Variants in LRP1B observed in about 807,000 individuals in gnomAD.
LRP1B encodes LDL receptor related protein 1B.
LRP1B carries 217 observed loss-of-function variants against 556.6 expected under a neutral mutation model. The observed-to-expected ratio is 0.39, with a 90% CI of 0.35 to 0.44. The LOEUF is 0.44. Ranked by LOEUF, LRP1B falls within the 20% of genes least tolerant of loss-of-function variation. The pLI, the probability that LRP1B is intolerant of heterozygous loss-of-function variation, is 1.00. For missense variants in LRP1B, 5,053 were observed against 5,620.8 expected (o/e 0.90, Z 3.23); for synonymous variants, 2,047 against 1,865.8 (o/e 1.10, Z -2.50).
At chr2:141,569,497 A>G (rs1686454172) in intron 2 of LRP1B, among the ~76,000 whole-genome samples, 1 of 151,230 alleles carries the variant, frequency 6.6e-6, no homozygotes. Context: ...GGGAGGAACT[A>G]GTCATATAGA....
chr2:141,600,329 C>T (rs1483365437), intron 2 of LRP1B, among the ~76,000 whole-genome samples: 1 of 152,130 alleles, frequency 6.6e-6, no homozygotes, highest in Non-Finnish European at 1.5e-5. Flanking sequence ...TAAAAACCTT[C>T]CCAAGTGAAT....
chr2:140,648,529 G>C (rs1444568726), intron 41 of LRP1B, among the ~76,000 whole-genome samples: 2 of 151,926 alleles, frequency 1.3e-5, no homozygotes, highest in Non-Finnish European at 2.9e-5. Flanking sequence ...GGAGGGGTGG[G>C]GTGATCAGAT....
chr2:140,637,468 G>A (rs989006466), intron 41 of LRP1B, among the ~76,000 whole-genome samples: 2 of 152,164 alleles, frequency 1.3e-5, no homozygotes, highest in African/African-American at 2.4e-5. Flanking sequence ...ACTATCTAAT[G>A]TGTATTTTCA....
chr2:140,868,033 C>G (rs181317419), intron 26 of LRP1B, 66 bp downstream of exon 26: 1 of 1,490,676 alleles, frequency 6.7e-7, no homozygotes, highest in Non-Finnish European at 9.0e-7. Context: ...TGTTAGGACA[C>G]TTTCCAATGT....
chr2:141,471,956 C>G (rs1162644314), intron 3 of LRP1B, among the ~76,000 whole-genome samples: 1 of 152,174 alleles, frequency 6.6e-6, no homozygotes, highest in African/African-American at 2.4e-5. Context: ...TATAAATATT[C>G]ATATAAATTA....
chr2:141,224,565 T>A (rs1010484151), intron 6 of LRP1B, among the ~76,000 whole-genome samples: 3 of 151,964 alleles, frequency 2.0e-5, no homozygotes, highest in African/African-American at 7.2e-5. Context: ...CGACATGGAA[T>A]CAACCCGAAT....
intron 1 of LRP1B, among the ~76,000 whole-genome samples, chr2:141,857,083 C>A (rs1698076748): frequency 6.6e-6 from 1 of 152,064 alleles, no homozygotes; most frequent in African/African-American, 2.4e-5. Flanking sequence ...ACCACAGGGC[C>A]TGTTGTATAA....
At chr2:140,893,667 CAT>C (rs961750415) in intron 23 of LRP1B, among the ~76,000 whole-genome samples, 20 of 152,046 alleles carry the variant, frequency 1.3e-4, no homozygotes, top group African/African-American at 4.3e-4. Flanking sequence ...CTATTAATAA[CAT>C]TATAATAATT....
chr2:141,334,847 C>T (rs1057281445), intron 3 of LRP1B, among the ~76,000 whole-genome samples: 5 of 152,060 alleles, frequency 3.3e-5, no homozygotes, highest in Admixed American at 1.3e-4. Context: ...CCACCATGCC[C>T]GGCCCAGTAC....
intron 5 of LRP1B, among the ~76,000 whole-genome samples, chr2:141,231,648 G>A (rs990551841): frequency 1.2e-4 from 6 of 50,354 alleles, no homozygotes; most frequent in Non-Finnish European, 2.2e-4. Context: ...CAACCTCCAC[G>A]TGGCAACCTT....
chr2:142,012,550 C>T (rs1405949342), intron 1 of LRP1B, among the ~76,000 whole-genome samples: 1 of 151,958 alleles, frequency 6.6e-6, no homozygotes. Flanking sequence ...TGTTTCAGCA[C>T]CATAAGTTAG....
intron 77 of LRP1B, among the ~76,000 whole-genome samples, chr2:140,337,183 G>T (rs1441447309): frequency 6.6e-6 from 1 of 151,756 alleles, no homozygotes; most frequent in African/African-American, 2.4e-5. Flanking sequence ...AGGAAAATAC[G>T]GCTTACATTA....
In LRP1B at chr2:141,799,476, G is replaced by A. The variant is rs1053080808; in HGVS notation, c.205+10803C>T. Reference sequence around the variant, plus strand: ...TTGCTTTTAATTGTTGAGCGTGGCTGCAGCTGACAACCAGAAAGAAAATGT... The same window carrying A: ...TTGCTTTTAATTGTTGAGCGTGGCTACAGCTGACAACCAGAAAGAAAATGT... On this transcript the variant is annotated intron_variant, in intron 2 of 90. Transcript: ENST00000389484. 2.4e-4 allele frequency among the ~76,000 whole-genome samples: 37 copies of A among 152,234 alleles called. 1 individual carries two copies. Among genetic ancestry groups the A allele is most frequent in the Admixed American group, 2.2e-3 (34 of 15,286 alleles).
At chr2:141,132,821 G>A (rs752615461) in intron 7 of LRP1B, among the ~76,000 whole-genome samples, 15 of 151,826 alleles carry the variant, frequency 9.9e-5, no homozygotes, top group Non-Finnish European at 2.2e-4. Flanking sequence ...ATATAAAAAA[G>A]TATAGCTTTT....
intron 1 of LRP1B, among the ~76,000 whole-genome samples, chr2:141,890,323 C>CATATATAT (rs556472129): frequency 0.03 from 2,516 of 83,544 alleles, 34 homozygotes; most frequent in African/African-American, 0.043. Context: ...GGGCACAATA[C>CATATATAT]ATATATATAT....
At chr2:141,604,712 T>C (rs543515229) in intron 2 of LRP1B, among the ~76,000 whole-genome samples, 2 of 152,220 alleles carry the variant, frequency 1.3e-5, no homozygotes, top group East Asian at 3.9e-4. Context: ...TCCCCTATTC[T>C]GAGCCCACAA....
intron 2 of LRP1B, among the ~76,000 whole-genome samples, chr2:141,596,738 G>T (rs1220236173): frequency 6.6e-6 from 1 of 151,926 alleles, no homozygotes; most frequent in Non-Finnish European, 1.5e-5. Flanking sequence ...AAAATGAAAT[G>T]TTAAACCAAG....
rs562422653 is a variant in LRP1B, at chr2:140,246,355, T to C, written c.13324+731A>G. ...AAATTTTTCAAAGGTTTTTCACTCA[T>C]GGTCAAATTAATGACAACATGTGTG... On this transcript the variant is annotated intron_variant, in intron 87 of 90. Transcript: ENST00000389484. Among the ~76,000 whole-genome samples the C allele has an allele frequency of 4.0e-5, 6 of 151,546 alleles. No individual in the cohort carries two copies. In the East Asian group the frequency reaches 1.2e-3, roughly 30 times the overall value.
chr2:140,647,469 C>T (rs1016816111), intron 41 of LRP1B, among the ~76,000 whole-genome samples: 2 of 151,704 alleles, frequency 1.3e-5, no homozygotes, highest in African/African-American at 4.8e-5. Flanking sequence ...ATTTATCATC[C>T]AAATCAAGAC....
Sources: allele counts gnomAD v4.1 joint callset (sites outside exome capture counted in the v4.1 genomes callset), GRCh38; gene constraint gnomAD v4.1.1; transcripts MANE v1.5; gene names NCBI Gene and HGNC (gene_info 2026-07-23, HGNC 2026-07-21).